Variants in SLC20A2 observed in about 807,000 individuals in gnomAD.
The protein encoded by SLC20A2 is solute carrier family 20 member 2, also known as sodium-dependent phosphate transporter 2.
Under a neutral mutation model 61.0 loss-of-function variants are expected in SLC20A2, and 30 were observed. That is an observed-to-expected ratio of 0.49 (90% CI 0.37 to 0.67). SLC20A2 has a LOEUF of 0.67. Ranked by LOEUF, SLC20A2 falls within the 30% of genes least tolerant of loss-of-function variation. The pLI, the probability that SLC20A2 is intolerant of heterozygous loss-of-function variation, is 0.00. For synonymous variants in SLC20A2, 351 were observed against 353.3 expected, an observed-to-expected ratio of 0.99 and a Z score of 0.07; for missense variants, 626 against 866.4, an observed-to-expected ratio of 0.72 and a Z score of 3.48.
chr8:42,518,935 T>G (rs1266621058), intron 1 of SLC20A2, among the ~76,000 whole-genome samples: 1 of 152,238 alleles, frequency 6.6e-6, no homozygotes, highest in Admixed American at 6.5e-5. Flanking sequence ...GTGTCCACCA[T>G]TCACAAGGGT....
At chr8:42,490,316 G>C (rs1479627900) in intron 1 of SLC20A2, among the ~76,000 whole-genome samples, 1 of 152,178 alleles carries the variant, frequency 6.6e-6, no homozygotes. Flanking sequence ...TCTGGATTTT[G>C]GCTGGGTGTG....
chr8:42,513,415 A>T (rs549475793), intron 1 of SLC20A2, among the ~76,000 whole-genome samples: 18 of 152,302 alleles, frequency 1.2e-4, no homozygotes, highest in African/African-American at 4.3e-4. Flanking sequence ...TCAGACAGTC[A>T]ATGTTTGGGG....
chr8:42,466,421 C>A (rs1807173074), intron 2 of SLC20A2, among the ~76,000 whole-genome samples: 1 of 152,226 alleles, frequency 6.6e-6, no homozygotes. Context: ...CCTGGTGCTA[C>A]ACACTGACTG....
At chr8:42,540,698 C>G (rs2131470865) in intron 1 of SLC20A2, among the ~76,000 whole-genome samples, 1 of 152,288 alleles carries the variant, frequency 6.6e-6, no homozygotes, top group Admixed American at 6.5e-5. Context: ...TTATAATTAC[C>G]AGTCAGCTGG....
At chr8:42,419,404 T>C (rs1449762110) in intron 10 of SLC20A2, among the ~76,000 whole-genome samples, 2 of 151,970 alleles carry the variant, frequency 1.3e-5, no homozygotes, top group Non-Finnish European at 2.9e-5. Context: ...ACCCTGTCTC[T>C]ACTAAAAATA....
At chr8:42,468,260 T>A (rs1053919243) in intron 2 of SLC20A2, among the ~76,000 whole-genome samples, 1 of 152,166 alleles carries the variant, frequency 6.6e-6, no homozygotes, top group African/African-American at 2.4e-5. Context: ...ACCCACCCAA[T>A]TGAATTCAGA....
intron 1 of SLC20A2, among the ~76,000 whole-genome samples, chr8:42,488,484 G>T (rs1563516239): frequency 6.6e-6 from 1 of 151,990 alleles, no homozygotes; most frequent in Non-Finnish European, 1.5e-5. Context: ...CACTGCACCT[G>T]GCCATAACAC....
At chr8:42,442,584 CTGCCT>C (rs1804867298) in intron 6 of SLC20A2, among the ~76,000 whole-genome samples, 1 of 152,244 alleles carries the variant, frequency 6.6e-6, no homozygotes, top group African/African-American at 2.4e-5. Context: ...CTCTTCCACA[CTGCCT>C]TGTGGCTTCA....
At position 42,437,642 on chromosome 8, in the gene SLC20A2, CGG is replaced by C; in HGVS notation, c.935-67_935-66del. ...TTTTTTTTTTCTTTTCTTTTTGAGA[CGG>C]AGCCTTGCTCTGTCCTCAGGGTGGA... On this transcript the variant is annotated intron_variant, in intron 7 of 10. Transcript: ENST00000520262. This position sits in a 1 kb window ranked among gnomAD's most constrained non-coding sequence, Gnocchi z 6.4. 7.5e-7 allele frequency: 1 copy of C among 1,335,692 alleles called. No individual in the cohort carries two copies. The highest frequency in any genetic ancestry group is 1.5e-5 in the South Asian group (1 of 65,022). The allele number at this position is 1,335,692 out of a possible 1,614,324, so 82.7% of individuals were successfully genotyped here.
rs1343213696 is a variant in SLC20A2 at position 42,437,553 on chromosome 8, C to A, written c.959G>T (p.Gly320Val). ...AYGRALSMTH[G>V]SVKSPISNGT... ...GTTGGAGATGGGCGATTTCACAGAG[C>A]CATGGGTCATGGACAGTGCTCTTCC... Residue 320 changes from glycine (G) to valine (V), a missense_variant, in exon 8 of 11, where the codon GGC becomes GTC. By Grantham distance (109) the Gly-to-Val change is moderately radical. Coordinates refer to ENST00000520262, the MANE Select transcript of SLC20A2 (RefSeq NM_001257180.2). The surrounding 1 kb of genome is among the most constrained non-coding windows in gnomAD (Gnocchi z 6.4). 2 of 1,613,280 alleles carry A rather than the reference C, an allele frequency of 1.2e-6. No homozygotes were observed. Among genetic ancestry groups the A allele is most frequent in the Admixed American group, 3.3e-5 (2 of 59,912 alleles).
At chr8:42,443,322 CT>C (rs36132148) in intron 6 of SLC20A2, among the ~76,000 whole-genome samples, 1 of 79,226 alleles carries the variant, frequency 1.3e-5, no homozygotes, top group Admixed American at 1.4e-4. Flanking sequence ...AAAATGTATA[CT>C]TTTTTTTTTG....
intron 1 of SLC20A2, among the ~76,000 whole-genome samples, chr8:42,536,914 A>C (rs1028838878): frequency 2.0e-5 from 3 of 152,114 alleles, no homozygotes; most frequent in African/African-American, 4.8e-5. Context: ...TCTTCTACTA[A>C]AAATAGAAAA....
Position 42,457,511 on chromosome 8 carries a change from C to T in SLC20A2, c.613+2385G>A, listed in dbSNP as rs6993877. ...TTTTTTTTTTTTTGAGACAAAGTCT[C>T]GCTGTGTCACCCAGGCTGGAGGGCA... On this transcript the variant is annotated intron_variant, in intron 5 of 10. Coordinates refer to ENST00000520262, the MANE Select transcript of SLC20A2 (RefSeq NM_001257180.2). Among the ~76,000 whole-genome samples, 183 of 150,966 alleles carry T rather than the reference C, an allele frequency of 1.2e-3. 3 individuals carry two copies. Among genetic ancestry groups the T allele is most frequent in the African/African-American group, 4.3e-3 (177 of 41,042 alleles).
Position 42,520,918 on chromosome 8 carries a change from G to T in SLC20A2, c.-265+20903C>A, listed in dbSNP as rs913818127. Among the ~76,000 whole-genome samples the T allele has an allele frequency of 3.3e-5, 4 of 120,816 alleles. 1 individual carries two copies. Among genetic ancestry groups the T allele is most frequent in the Non-Finnish European group, 7.9e-5 (4 of 50,340 alleles). The allele number at this position is 120,816 out of a possible 152,430, so 79.3% of individuals were successfully genotyped here. A position where few individuals can be genotyped will look rare whatever the true frequency, so the allele number is the denominator to read the frequency against. On this transcript the variant is annotated intron_variant, in intron 1 of 10. Coordinates refer to the SLC20A2 transcript ENST00000342228. ...TGTCTTACAGTATACATAAGACAGG[G>T]TTCTATATGTTGGACTCAGCTGCAA...
At position 42,459,909 on chromosome 8, in the gene SLC20A2, G is replaced by A; in HGVS notation, c.600C>T (p.Tyr200=). The A allele has an allele frequency of 1.2e-6, 2 of 1,611,908 alleles. No homozygotes were observed. Among genetic ancestry groups the A allele is most frequent in the South Asian group, 1.1e-5 (1 of 90,868 alleles). The change falls in exon 5 of 11, where the codon TAC becomes TAT. Residue 200 remains tyrosine, a synonymous_variant. Coordinates refer to ENST00000520262, the MANE Select transcript of SLC20A2 (RefSeq NM_001257180.2). The part of the protein sequence containing the change: ...TIAINVFSIM[Y]TGAPVLGLVL... ...AGGGATCCTTACCTGGTGCTCCTGT[G>A]TACATGATGGAAAAGACATTGATTG...
chr8:42,485,303 A>C (rs140340648), intron 1 of SLC20A2, among the ~76,000 whole-genome samples: 3,805 of 152,204 alleles, frequency 0.025, 176 homozygotes, highest in African/African-American at 0.088. Context: ...CCTCCAAAAA[A>C]GGGGAGCTTG....
intron 3 of SLC20A2, among the ~76,000 whole-genome samples, chr8:42,464,092 C>CTTTGTTTTTTTTTT (rs1806933720): frequency 4.9e-5 from 1 of 20,540 alleles, no homozygotes; most frequent in Non-Finnish European, 1.0e-4. Flanking sequence ...GCTGGATGAT[C>CTTTGTTTTTTTTTT]TTTTTTTTTT....
chr8:42,514,851 G>A (rs925223995), intron 1 of SLC20A2, among the ~76,000 whole-genome samples: 4 of 152,060 alleles, frequency 2.6e-5, no homozygotes, highest in Admixed American at 6.6e-5. Context: ...ATGAAGCTCT[G>A]TGAGTGATGG....
Position 42,444,858 on chromosome 8 carries a change from A to G in SLC20A2, c.614-96T>C, listed in dbSNP as rs568107009. On this transcript the variant is annotated intron_variant, in intron 5 of 10. Coordinates refer to ENST00000520262, the MANE Select transcript of SLC20A2 (RefSeq NM_001257180.2). ...TTCCCACTCCCCAAATCGAGAACGA[A>G]TCACCTGGATTTTGTAGTGAATAAA... 6.4e-6 allele frequency: 5 copies of G among 786,888 alleles called. No individual in the cohort carries two copies. The East Asian group carries it at 1.2e-4, about 19-fold the overall frequency. The allele number at this position is 786,888 out of a possible 1,614,324, so 48.7% of individuals were successfully genotyped here. A position where few individuals can be genotyped will look rare whatever the true frequency, so the allele number is the denominator to read the frequency against.
Sources: gnomAD v4.1 joint callset for allele counts (sites outside exome capture counted in the v4.1 genomes callset) on GRCh38, gnomAD v4.1.1 for gene constraint, Gnocchi (gnomAD v3.1) non-coding constraint, MANE v1.5 for transcripts, NCBI Gene and HGNC (gene_info 2026-07-23, HGNC 2026-07-21) for gene names.